SLC36A4: variants seen among roughly 807,000 people sequenced by gnomAD.
The protein encoded by SLC36A4 is solute carrier family 36 member 4.
A neutral mutation model predicts 50.5 loss-of-function variants in SLC36A4; 49 were observed. The observed-to-expected ratio is 0.97, with a 90% CI of 0.77 to 1.23. SLC36A4 has a LOEUF of 1.23. Among genes scored for constraint, SLC36A4 ranks in the 50% most tolerant of loss-of-function variants. SLC36A4 has a pLI of 0.00. For missense variants in SLC36A4, 611 were observed against 608.4 expected (o/e 1.00, Z -0.05); for synonymous variants, 207 against 206.5 (o/e 1.00, Z -0.02).
rs974870460 is a variant in SLC36A4 at position 93,180,859 on chromosome 11, C to A, written c.478G>T (p.Val160Leu). The A allele has an allele frequency of 6.2e-7, 1 of 1,612,662 alleles. No homozygotes were observed. The highest frequency in any genetic ancestry group is 8.5e-7 in the Non-Finnish European group (1 of 1,179,108). The change falls in exon 6 of 11, where the codon GTG becomes TTG. Residue 160 changes from valine to leucine, a missense_variant. Val to Leu is a conservative substitution (Grantham distance 32). Coordinates refer to ENST00000326402, the MANE Select transcript of SLC36A4 (RefSeq NM_152313.4). The stretch of plus-strand genomic sequence containing the variant: ...CTACAGAATCCCAGCTGTGTTATCA[C>A]CAGAAAAAAGTCAACCACACTCCTG... ...WGRSVVDFFL[V>L]ITQLGFCSVY...
chr11:93,158,183 A>C (rs10830994), intron 9 of SLC36A4, among the ~76,000 whole-genome samples: 36,171 of 152,048 alleles, frequency 0.24, 5,223 homozygotes, highest in East Asian at 0.32. Context: ...TGGTCAAGTT[A>C]CCAAATATAT....
chr11:93,192,356 G>A (rs1862248493), intron 1 of SLC36A4, among the ~76,000 whole-genome samples: 2 of 152,150 alleles, frequency 1.3e-5, no homozygotes, highest in Non-Finnish European at 2.9e-5. Flanking sequence ...AAGGAGGGCA[G>A]GGTAGCCAGA....
In SLC36A4 at chr11:93,180,805, C is replaced by A; in HGVS notation, c.532G>T (p.Val178Leu). 7 of 1,611,064 alleles carry A rather than the reference C, an allele frequency of 4.3e-6. No individual in the cohort carries two copies. Among genetic ancestry groups the A allele is most frequent in the Non-Finnish European group, 5.9e-6 (7 of 1,177,896 alleles). Residue 178 changes from valine (V) to leucine (L), a missense_variant, in exon 6 of 11, where the codon GTG becomes TTG. Transcript: ENST00000326402. The part of the protein sequence containing the change: ...SVYIVFLAEN[V>L]KQVHEGFLES... The stretch of plus-strand genomic sequence containing the variant: ...TGGAGAAAAATACTCACTTGTTTCA[C>A]ATTTTCAGCTAAGAAGACAATATAA...
At chr11:93,193,911 T>C (rs558452229) in intron 1 of SLC36A4, among the ~76,000 whole-genome samples, 47 of 152,250 alleles carry the variant, frequency 3.1e-4, no homozygotes, top group African/African-American at 1.0e-3. Context: ...ATTACTGACG[T>C]TGAAAATTGC....
At chr11:93,178,542 T>G (rs1162806308) in intron 6 of SLC36A4, among the ~76,000 whole-genome samples, 1 of 152,214 alleles carries the variant, frequency 6.6e-6, no homozygotes, top group African/African-American at 2.4e-5. Context: ...TAGTTTAATT[T>G]TTTTTTGCAG....
In SLC36A4 at chr11:93,144,633, G is replaced by C. The variant is rs1407262626; in HGVS notation, c.*3904C>G. On this transcript the variant is annotated 3_prime_UTR_variant, in exon 11 of 11. Coordinates refer to ENST00000326402, the MANE Select transcript of SLC36A4 (RefSeq NM_152313.4). ...AAATAGCATTTCTAGCCATTTCTTA[G>C]GCATGTTTCCTTATCTCATAGGTCA... The C allele has an allele frequency of 6.6e-6, 1 of 151,998 alleles. No homozygotes were observed. The allele number at this position is 151,998 out of a possible 1,614,324, so 9.4% of individuals were successfully genotyped here. A position where few individuals can be genotyped will look rare whatever the true frequency, so the allele number is the denominator to read the frequency against.
chr11:93,171,190 TCTC>T (rs952181967), intron 6 of SLC36A4: 3 of 152,034 alleles, frequency 2.0e-5, no homozygotes, highest in African/African-American at 7.2e-5. Flanking sequence ...CAGCAGGCAT[TCTC>T]CTTACCTCCA....
intron 5 of SLC36A4, among the ~76,000 whole-genome samples, chr11:93,181,185 C>T (rs974628632): frequency 2.6e-5 from 4 of 151,926 alleles, no homozygotes; most frequent in African/African-American, 7.2e-5. Flanking sequence ...GTCCTGTATT[C>T]ATCTTACTTT....
intron 1 of SLC36A4, 30 bp downstream of exon 1, chr11:93,197,748 C>T (rs1352412552): frequency 6.3e-7 from 1 of 1,583,930 alleles, no homozygotes; most frequent in Admixed American, 1.7e-5. Context: ...CCACGTCAGC[C>T]CCGGCTCCCT....
At chr11:93,183,987 C>T (rs967277259) in intron 3 of SLC36A4, among the ~76,000 whole-genome samples, 2 of 152,044 alleles carry the variant, frequency 1.3e-5, no homozygotes, top group Admixed American at 6.6e-5. Flanking sequence ...CATGGGCTAC[C>T]GCACCCGGCC....
intron 5 of SLC36A4, among the ~76,000 whole-genome samples, chr11:93,181,162 C>T (rs934834087): frequency 3.9e-5 from 6 of 152,008 alleles, no homozygotes; most frequent in Non-Finnish European, 8.8e-5. Flanking sequence ...GCTTATGCTT[C>T]CTTATTTTTC....
intron 1 of SLC36A4, 47 bp downstream of exon 1, chr11:93,197,730 AC>A (rs1555019163): frequency 3.2e-6 from 5 of 1,560,424 alleles, no homozygotes; most frequent in South Asian, 1.2e-5. Context: ...TCCCGCACAG[AC>A]CCCCGCCCAC....
At chr11:93,178,138 C>G (rs1265697418) in intron 6 of SLC36A4, among the ~76,000 whole-genome samples, 1 of 152,152 alleles carries the variant, frequency 6.6e-6, no homozygotes, top group Non-Finnish European at 1.5e-5. Flanking sequence ...TGCTAGTGAG[C>G]ACTGCTAGCT....
chr11:93,177,412 A>G (rs1327275460), intron 6 of SLC36A4, among the ~76,000 whole-genome samples: 2 of 152,194 alleles, frequency 1.3e-5, no homozygotes, highest in Non-Finnish European at 2.9e-5. Flanking sequence ...TTTAGCTTGA[A>G]GAAGTTTGTT....
At chr11:93,189,428 G>C (rs546601370) in intron 1 of SLC36A4, among the ~76,000 whole-genome samples, 1 of 151,818 alleles carries the variant, frequency 6.6e-6, no homozygotes, top group East Asian at 1.9e-4. Context: ...GGTATGCAAG[G>C]CTATGACAAC....
In SLC36A4 at chr11:93,148,285, A is replaced by AT. The variant is rs1565211798; in HGVS notation, c.*251dup. On this transcript the variant is annotated 3_prime_UTR_variant, in exon 11 of 11. Coordinates refer to ENST00000326402, the MANE Select transcript of SLC36A4 (RefSeq NM_152313.4). Reference sequence around the variant, plus strand: ...ATAATAGAAGTATTTTTATTCTTTAATTTTTTTACATTTTAATTTTTTCAA... The same window carrying AT: ...ATAATAGAAGTATTTTTATTCTTTAATTTTTTTTACATTTTAATTTTTTCAA... The AT allele has an allele frequency of 1.3e-5, 4 of 297,514 alleles. No individual in the cohort carries two copies. The highest frequency in any genetic ancestry group is 7.6e-5 in the East Asian group (1 of 13,132). The allele number at this position is 297,514 out of a possible 1,614,324, so 18.4% of individuals were successfully genotyped here.
At chr11:93,154,607 T>A (rs923044314) in intron 9 of SLC36A4, 1 of 155,340 alleles carries the variant, frequency 6.4e-6, no homozygotes, top group African/African-American at 2.4e-5. Flanking sequence ...CTCAACTTTC[T>A]TTTTAAAAAC....
At chr11:93,166,046 G>A (rs1375137107) in intron 7 of SLC36A4, 30 bp from the exon 8 acceptor site, 2 of 1,506,008 alleles carry the variant, frequency 1.3e-6, no homozygotes, top group Non-Finnish European at 1.8e-6. Context: ...AAGAAGACCA[G>A]TTACATCTTT....
chr11:93,181,840 C>T, intron 4 of SLC36A4, 54 bp from the exon 5 acceptor site: 1 of 1,405,682 alleles, frequency 7.1e-7, no homozygotes, highest in South Asian at 1.6e-5. Context: ...TAAGGTGGTC[C>T]ATAAAACCAC....
Sources: gnomAD v4.1 joint callset for allele counts (sites outside exome capture counted in the v4.1 genomes callset) on GRCh38, gnomAD v4.1.1 for gene constraint, MANE v1.5 for transcripts, NCBI Gene and HGNC (gene_info 2026-07-23, HGNC 2026-07-21) for gene names.